The following NETO1 variants were observed in gnomAD, a reference collection of about 807,000 sequenced individuals.
The protein encoded by NETO1 is neuropilin and tolloid like 1, also known as neuropilin and tolloid-like protein 1.
NETO1 carries 26 observed loss-of-function variants against 61.3 expected under a neutral mutation model. That is an observed-to-expected ratio of 0.42 (90% CI 0.31 to 0.59). The LOEUF (loss-of-function observed/expected upper bound fraction) is 0.59, where lower values mean the gene tolerates loss of function less well. Among genes scored for constraint, NETO1 ranks in the 20% least tolerant of loss-of-function variants. NETO1 has a pLI of 0.12. For missense variants in NETO1, 531 were observed against 662.8 expected, an observed-to-expected ratio of 0.80 and a Z score of 2.18; for synonymous variants, 225 against 225.8, an observed-to-expected ratio of 1.00 and a Z score of 0.03.
intron 4 of NETO1, among the ~76,000 whole-genome samples, chr18:72,857,389 G>A (rs906204981): frequency 2.0e-5 from 3 of 152,178 alleles, no homozygotes; most frequent in Non-Finnish European, 4.4e-5. Context: ...CACCATTTAT[G>A]TCATCTCAAA....
At chr18:72,867,231 G>C (rs1186676968) in intron 1 of NETO1, 33 bp downstream of exon 1, 4 of 1,524,496 alleles carry the variant, frequency 2.6e-6, no homozygotes. Context: ...GCTGGCTCCG[G>C]GAGCGCACGG....
At position 72,749,130 on chromosome 18, in the gene NETO1, C is replaced by T. The variant is rs559093368; in HGVS notation, c.1542-42G>A. 508 of 1,108,198 alleles carry T rather than the reference C, an allele frequency of 4.6e-4. 4 individuals carry two copies. The African/African-American group carries it at 0.012, about 27-fold the overall frequency. 68.6% of individuals were successfully genotyped at this position (1,108,198 alleles called of 1,614,324 possible). A position where few individuals can be genotyped will look rare whatever the true frequency, so the allele number is the denominator to read the frequency against. ...ATTTCATTCAACAAAGTACTATTTG[C>T]ACAAAAAAATATGTATACAAATATT... On this transcript the variant is annotated intron_variant, in intron 9 of 10. Coordinates refer to ENST00000327305, the MANE Select transcript of NETO1 (RefSeq NM_138966.5).
At chr18:72,784,078 A>AT (rs149525512) in intron 6 of NETO1, among the ~76,000 whole-genome samples, 172 bp from the exon 7 acceptor site, 7 of 151,920 alleles carry the variant, frequency 4.6e-5, no homozygotes, top group Non-Finnish European at 7.4e-5. Context: ...TGTGTTTAAT[A>AT]TTTTTTTTCA....
At chr18:72,795,060 C>G (rs994838410) in intron 4 of NETO1, among the ~76,000 whole-genome samples, 3 of 152,208 alleles carry the variant, frequency 2.0e-5, no homozygotes, top group Admixed American at 6.5e-5. Context: ...CTGTCTTCCT[C>G]GCAGTCAAGC....
At chr18:72,792,307 C>A (rs1291994166) in intron 6 of NETO1, among the ~76,000 whole-genome samples, 2 of 152,094 alleles carry the variant, frequency 1.3e-5, no homozygotes, top group African/African-American at 4.8e-5. Context: ...TGGTGGCACA[C>A]ATCTGTAATT....
chr18:72,852,709 A>C (rs910819176), intron 4 of NETO1, among the ~76,000 whole-genome samples: 2 of 152,078 alleles, frequency 1.3e-5, no homozygotes, highest in African/African-American at 4.8e-5. Flanking sequence ...TCCTGAGCCC[A>C]CTATTATACA....
chr18:72,748,962 A>T, intron 10 of NETO1, 52 bp downstream of exon 10: 1 of 1,129,052 alleles, frequency 8.9e-7, no homozygotes, highest in South Asian at 1.2e-5. Context: ...AGACAGTTGC[A>T]ACAAAACAGA....
rs750408288 is a variant in NETO1 at position 72,859,020 on chromosome 18, G to C, written c.275C>G (p.Pro92Arg). ...LYFDEKYSIEPSWECKFDHIE... is the reference protein window; with the variant it reads ...LYFDEKYSIERSWECKFDHIE... Reference sequence around the variant, plus strand: ...ATGATCAAATTTGCACTCCCAAGACGGTTCAATAGAGTACTTTTCATCAAA... The same window carrying C: ...ATGATCAAATTTGCACTCCCAAGACCGTTCAATAGAGTACTTTTCATCAAA... Residue 92 changes from proline (P) to arginine (R), a missense_variant, in exon 4 of 11, where the codon CCG becomes CGG. By Grantham distance (103) the Pro-to-Arg change is moderately radical. Transcript: ENST00000327305. The C allele has an allele frequency of 1.9e-6, 3 of 1,613,254 alleles. No individual in the cohort carries two copies. In the South Asian group the frequency reaches 3.3e-5, roughly 18 times the overall value.
chr18:72,798,274 G>A (rs1056202399), intron 4 of NETO1, among the ~76,000 whole-genome samples: 8 of 152,260 alleles, frequency 5.3e-5, no homozygotes, highest in South Asian at 2.1e-4. Context: ...ACCCTATTGC[G>A]AACTGTGCAT....
At chr18:72,771,621 A>T (rs1014291958) in intron 7 of NETO1, among the ~76,000 whole-genome samples, 6 of 152,200 alleles carry the variant, frequency 3.9e-5, no homozygotes, top group Non-Finnish European at 7.3e-5. Context: ...TGGAATCTCA[A>T]CTTTTAGTGT....
At chr18:72,795,580 T>G (rs2072283288) in intron 4 of NETO1, among the ~76,000 whole-genome samples, 3 of 152,188 alleles carry the variant, frequency 2.0e-5, no homozygotes, top group African/African-American at 2.4e-5. Flanking sequence ...GGAGTTGCAT[T>G]TCTCCAAGAT....
rs550694841 is a variant in NETO1 at position 72,855,648 on chromosome 18, G to A, written c.469+3178C>T. 7.8e-4 allele frequency among the ~76,000 whole-genome samples: 119 copies of A among 152,234 alleles called. 1 individual carries two copies. The highest frequency in any genetic ancestry group is 3.4e-3 in the Middle Eastern group (1 of 294). The stretch of plus-strand genomic sequence containing the variant: ...AACAGCAAGAGCTTGGGACTGAAAG[G>A]CTATTATTTTAAGTTCAGTAGGAAA... On this transcript the variant is annotated intron_variant, in intron 4 of 10. Coordinates refer to ENST00000327305, the MANE Select transcript of NETO1 (RefSeq NM_138966.5).
intron 4 of NETO1, among the ~76,000 whole-genome samples, chr18:72,817,119 C>T (rs977062644): frequency 3.3e-5 from 5 of 152,308 alleles, no homozygotes; most frequent in Admixed American, 2.6e-4. Context: ...TCTCTTGGAA[C>T]CTGAGTTTAC....
At chr18:72,864,992 T>C (rs779008126) in intron 2 of NETO1, 47 bp from the exon 3 acceptor site, 6 of 1,558,740 alleles carry the variant, frequency 3.8e-6, no homozygotes, top group Non-Finnish European at 4.3e-6. Flanking sequence ...CATCCAATTT[T>C]CTATTGTACT....
intron 7 of NETO1, among the ~76,000 whole-genome samples, chr18:72,771,319 A>G (rs2071344437): frequency 1.3e-5 from 2 of 152,174 alleles, no homozygotes; most frequent in Admixed American, 6.6e-5. Context: ...AACTACACAC[A>G]AAGAGAATTA....
At chr18:72,798,624 A>G (rs2072399059) in intron 4 of NETO1, among the ~76,000 whole-genome samples, 1 of 152,078 alleles carries the variant, frequency 6.6e-6, no homozygotes, top group South Asian at 2.1e-4. Context: ...ACTTCCATCA[A>G]TGCGTCTTTC....
At chr18:72,863,245 C>A (rs763658014) in intron 3 of NETO1, among the ~76,000 whole-genome samples, 16 of 152,160 alleles carry the variant, frequency 1.1e-4, no homozygotes, top group Non-Finnish European at 2.2e-4. Context: ...GGATGCGCCA[C>A]GAAGGTCCCC....
intron 10 of NETO1, 181 bp from the exon 11 acceptor site, chr18:72,748,345 AATATAG>A (rs955091422): frequency 9.3e-6 from 9 of 966,800 alleles, no homozygotes; most frequent in African/African-American, 3.5e-5. Flanking sequence ...AAATTAGGCT[AATATAG>A]ATATAAACAA....
chr18:72,831,959 T>C (rs1202593074), intron 4 of NETO1, among the ~76,000 whole-genome samples: 1 of 152,226 alleles, frequency 6.6e-6, no homozygotes, highest in Non-Finnish European at 1.5e-5. Flanking sequence ...TGTTATTCTA[T>C]ATTGTAGCAT....
Sources: gnomAD v4.1 joint callset for allele counts (sites outside exome capture counted in the v4.1 genomes callset) on GRCh38, gnomAD v4.1.1 for gene constraint, MANE v1.5 for transcripts, NCBI Gene and HGNC (gene_info 2026-07-23, HGNC 2026-07-21) for gene names.